Variants in LONRF2 observed in about 807,000 individuals in gnomAD.
LONRF2 encodes LON peptidase N-terminal domain and RING finger protein 2.
LONRF2 carries 35 observed loss-of-function variants against 66.6 expected under a neutral mutation model. That is an observed-to-expected ratio of 0.53 (90% confidence interval 0.40 to 0.70). LONRF2 has a LOEUF of 0.70. Ranked by LOEUF, LONRF2 falls within the 30% of genes least tolerant of loss-of-function variation. LONRF2 has a pLI of 0.00. For missense variants in LONRF2, 902 were observed against 1,002.1 expected (o/e 0.90, Z 1.35); for synonymous variants, 417 against 418.1 (o/e 1.00, Z 0.03).
At position 100,286,896 on chromosome 2, in the gene LONRF2, GA is replaced by G; in HGVS notation, c.2070+17del. On this transcript the variant is annotated intron_variant, in intron 11 of 11. Coordinates refer to ENST00000393437, the MANE Select transcript of LONRF2 (RefSeq NM_198461.4). ...AGCAGGAAGTAACAGAATTATAAAG[GA>G]AAAAGGGAGGGCATACCTGAGGCTC... is the stretch of plus-strand genomic sequence containing the variant. The G allele has an allele frequency of 6.2e-7, 1 of 1,611,166 alleles. No individual in the cohort carries two copies. The highest frequency in any genetic ancestry group is 1.1e-5 in the South Asian group (1 of 90,478).
chr2:100,304,051 C>A (rs966549796), intron 2 of LONRF2, among the ~76,000 whole-genome samples: 4 of 151,998 alleles, frequency 2.6e-5, no homozygotes, highest in African/African-American at 9.7e-5. Flanking sequence ...TCCTATAGAT[C>A]TATCTTCAAT....
At position 100,321,479 on chromosome 2, in the gene LONRF2, C is replaced by A. The variant is rs1675623039; in HGVS notation, c.615G>T (p.Arg205=). Residue 205 remains arginine, a synonymous_variant, in exon 1 of 12, where the codon CGG becomes CGT. Coordinates refer to ENST00000393437, the MANE Select transcript of LONRF2 (RefSeq NM_198461.4). ...CCGGCTGCTGCTGGCGCTGCAGGCTCCGCGCCTGGCCTGCCAGCCTGCGCA... is the reference window on the plus strand; with the variant it reads ...CCGGCTGCTGCTGGCGCTGCAGGCTACGCGCCTGGCCTGCCAGCCTGCGCA... ...CRLRRLAGQA[R]SLQRQQQPEA... The A allele has an allele frequency of 1.3e-6, 2 of 1,516,828 alleles. No homozygotes were observed. Among genetic ancestry groups the A allele is most frequent in the East Asian group, 2.7e-5 (1 of 36,772 alleles). The allele number at this position is 1,516,828 out of a possible 1,614,324, so 94.0% of individuals were successfully genotyped here. A position where few individuals can be genotyped will look rare whatever the true frequency, so the allele number is the denominator to read the frequency against.
intron 9 of LONRF2, among the ~76,000 whole-genome samples, chr2:100,290,629 G>A (rs1674940574): frequency 6.6e-6 from 1 of 152,206 alleles, no homozygotes; most frequent in African/African-American, 2.4e-5. Flanking sequence ...TGGCTGCAGG[G>A]GAAGGGCTCC....
chr2:100,303,816 T>A (rs1053629166), intron 2 of LONRF2, among the ~76,000 whole-genome samples: 7 of 152,230 alleles, frequency 4.6e-5, no homozygotes, highest in African/African-American at 1.7e-4. Flanking sequence ...TGCTTATAAG[T>A]TGAGTTAACC....
In LONRF2 at chr2:100,286,982, G is replaced by A; in HGVS notation, c.2002C>T (p.Gln668Ter). 1.2e-6 allele frequency: 2 copies of A among 1,614,196 alleles called. No homozygotes were observed. Among genetic ancestry groups the A allele is most frequent in the Non-Finnish European group, 1.7e-6 (2 of 1,180,034 alleles). The change falls in exon 11 of 12, where the codon CAG becomes TAG. Residue 668 changes from glutamine to a stop codon, truncating the protein, a stop_gained. Coordinates refer to ENST00000393437, the MANE Select transcript of LONRF2 (RefSeq NM_198461.4). LOFTEE classifies it high-confidence loss of function. ...QQSVSWFASL[Q>*]DRMKEQILSH... is the part of the protein sequence containing the mutation. Reference sequence around the variant, plus strand: ...AAAATTTGTTCTTTCATGCGATCCTGGAGAGACGCGAACCAGGAAACAGAC... The same window carrying A: ...AAAATTTGTTCTTTCATGCGATCCTAGAGAGACGCGAACCAGGAAACAGAC...
chr2:100,299,199 A>G (rs1675128869), intron 6 of LONRF2, 27 bp downstream of exon 6: 1 of 1,497,608 alleles, frequency 6.7e-7, no homozygotes, highest in Non-Finnish European at 9.0e-7. Flanking sequence ...GTTTTAAAAG[A>G]GTTGCACGGA....
At chr2:100,315,290 A>G (rs942792069) in intron 1 of LONRF2, among the ~76,000 whole-genome samples, 17 of 148,100 alleles carry the variant, frequency 1.1e-4, no homozygotes, top group African/African-American at 4.3e-4. Context: ...GATAACCTCT[A>G]TATTGACCTT....
chr2:100,321,360 C>G, intron 1 of LONRF2, 55 bp downstream of exon 1: 1 of 1,345,732 alleles, frequency 7.4e-7, no homozygotes, highest in Non-Finnish European at 9.5e-7. Flanking sequence ...CTCCCCACCC[C>G]GCTGCTGGGC....
At chr2:100,289,921 C>T (rs1390432622) in intron 10 of LONRF2, among the ~76,000 whole-genome samples, 1 of 152,100 alleles carries the variant, frequency 6.6e-6, no homozygotes, top group Non-Finnish European at 1.5e-5. Flanking sequence ...CTGGGAAACA[C>T]AGGGAGACTC....
In LONRF2 at chr2:100,272,523, T is replaced by C. The variant is rs116653564; in HGVS notation, c.*11775A>G. Among the ~76,000 whole-genome samples, 98 of 142,776 alleles carry C rather than the reference T, an allele frequency of 6.9e-4. No homozygotes were observed. Among genetic ancestry groups the C allele is most frequent in the African/African-American group, 2.3e-3 (89 of 38,464 alleles). 93.7% of individuals were successfully genotyped at this position (142,776 alleles called of 152,430 possible). On this transcript the variant is annotated 3_prime_UTR_variant, in exon 12 of 12. Coordinates refer to ENST00000393437, the MANE Select transcript of LONRF2 (RefSeq NM_198461.4). ...CCCAAGAAGAAAATAAATAAATAAA[T>C]AAACAAACAAACTAACCAGAGTATG...
intron 10 of LONRF2, 36 bp downstream of exon 10, chr2:100,290,222 G>C: frequency 1.3e-6 from 2 of 1,569,212 alleles, no homozygotes; most frequent in Non-Finnish European, 1.7e-6. Context: ...CGAGAGGACC[G>C]ACTGCTATAA....
intron 10 of LONRF2, among the ~76,000 whole-genome samples, chr2:100,289,150 T>C (rs1036374189): frequency 1.4e-5 from 2 of 145,186 alleles, no homozygotes; most frequent in Non-Finnish European, 3.1e-5. Context: ...CAGACTGCTG[T>C]TCATGAGTCA....
At chr2:100,304,648 G>A (rs1675254801) in intron 2 of LONRF2, among the ~76,000 whole-genome samples, 2 of 130,732 alleles carry the variant, frequency 1.5e-5, no homozygotes, top group East Asian at 2.3e-4. Flanking sequence ...TTTTGAGACA[G>A]AGTCTTGCTC....
At position 100,280,716 on chromosome 2, in the gene LONRF2, G is replaced by T. The variant is rs935050167; in HGVS notation, c.*3582C>A. ...GAATCACTTGAACCCAGGAGGCGGA[G>T]GTTGTGGTGAGACGAGATTGCGCCA... is the stretch of plus-strand genomic sequence containing the variant. On this transcript the variant is annotated 3_prime_UTR_variant, in exon 12 of 12. Transcript: ENST00000393437. 1 of 152,174 alleles carries T rather than the reference G, an allele frequency of 6.6e-6. No individual in the cohort carries two copies. Among genetic ancestry groups the T allele is most frequent in the Non-Finnish European group, 1.5e-5 (1 of 68,072 alleles). The allele number at this position is 152,174 out of a possible 1,614,324, so 9.4% of individuals were successfully genotyped here.
In LONRF2 at chr2:100,298,868, G is replaced by T. The variant is rs116702638; in HGVS notation, c.1444C>A (p.His482Asn). Residue 482 changes from histidine (H) to asparagine (N), a missense_variant, in exon 7 of 12, where the codon CAC (histidine) becomes AAC (asparagine). By Grantham distance (68) the His-to-Asn change is moderately conservative. Transcript: ENST00000393437. ...AGTTTGTCTTTGCACAAAGGACAGT[G>T]TGGGGCGTGGTCAAGGCAGCGCTCA... The part of the protein sequence containing the change: ...CLERCLDHAP[H>N]CPLCKDKLSE... The T allele has an allele frequency of 9.2e-3, 14,840 of 1,614,110 alleles. 85 individuals are homozygous for T. Among genetic ancestry groups the T allele is most frequent in the Non-Finnish European group, 0.011 (12,546 of 1,179,950 alleles).
intron 10 of LONRF2, 110 bp downstream of exon 10, chr2:100,290,148 T>C: frequency 9.8e-7 from 1 of 1,024,726 alleles, no homozygotes; most frequent in Non-Finnish European, 1.4e-6. Context: ...AAGTGATGAA[T>C]TAAGGACTTA....
rs1038969674 is a variant in LONRF2, at chr2:100,273,754, C to A, written c.*10544G>T. ...AGCTTATTTATTCAAATTTGCTCTT[C>A]TTATTAAACAGAAAAAAAATACACA... On this transcript the variant is annotated 3_prime_UTR_variant, in exon 12 of 12. Coordinates refer to ENST00000393437, the MANE Select transcript of LONRF2 (RefSeq NM_198461.4). 1.3e-5 allele frequency: 2 copies of A among 152,256 alleles called. No homozygotes were observed. The highest frequency in any genetic ancestry group is 4.2e-4 in the South Asian group (2 of 4,814). 9.4% of individuals were successfully genotyped at this position (152,256 alleles called of 1,614,324 possible).
chr2:100,298,937 G>T lies in LONRF2; in HGVS notation c.1375C>A (p.Pro459Thr). 6.2e-7 allele frequency: 1 copy of T among 1,613,046 alleles called. No individual in the cohort carries two copies. Among genetic ancestry groups the T allele is most frequent in the Non-Finnish European group, 8.5e-7 (1 of 1,179,014 alleles). Reference protein sequence around the residue: ...CALCMRLLFEPVTTPCGHTFC... With the variant: ...CALCMRLLFETVTTPCGHTFC... ...GTGTGTCCACAGGGCGTAGTGACAG[G>T]TTCAAAGAGCAATCTGGAAGAAAAT... Residue 459 changes from proline to threonine, a missense_variant, in exon 7 of 12, where the codon CCT becomes ACT. Physicochemically the swap from Pro to Thr is conservative, Grantham distance 38. Transcript: ENST00000393437.
chr2:100,290,273 A>T lies in LONRF2; in HGVS notation c.1905T>A (p.Tyr635Ter). The change falls in exon 10 of 12, where the codon TAT becomes TAA. Residue 635 changes from tyrosine to a stop codon, truncating the protein, a stop_gained. Coordinates refer to ENST00000393437, the MANE Select transcript of LONRF2 (RefSeq NM_198461.4). LOFTEE classifies it high-confidence loss of function. The stretch of plus-strand genomic sequence containing the variant: ...TAAGCCTTACCTTTTCATCTTCAAG[A>T]TATTCAATGTCCGCTGTGTTATAGC... Reference protein sequence around the residue: ...RDGYNTADIEYLEDEKVEGPE... With the variant: ...RDGYNTADIE The T allele has an allele frequency of 6.2e-7, 1 of 1,613,056 alleles. No homozygotes were observed. The highest frequency in any genetic ancestry group is 8.5e-7 in the Non-Finnish European group (1 of 1,179,620).
Sources: gnomAD v4.1 joint callset for allele counts (sites outside exome capture counted in the v4.1 genomes callset) on GRCh38, gnomAD v4.1.1 for gene constraint, MANE v1.5 for transcripts, NCBI Gene and HGNC (gene_info 2026-07-23, HGNC 2026-07-21) for gene names.